The following ROBO2 variants were observed in gnomAD, a reference collection of about 807,000 sequenced individuals.
ROBO2 encodes roundabout guidance receptor 2.
ROBO2 carries 53 observed loss-of-function variants against 160.8 expected under a neutral mutation model. The observed-to-expected ratio is 0.33, with a 90% CI of 0.26 to 0.41. The LOEUF (loss-of-function observed/expected upper bound fraction) is 0.41, where lower values mean the gene tolerates loss of function less well. ROBO2 is among the 10% of genes least tolerant of loss of function. The probability of loss-of-function intolerance (pLI) is 1.00; values close to 1 mark genes in which losing one functional copy is unlikely to be tolerated. For synonymous variants in ROBO2, 664 were observed against 611.7 expected, an observed-to-expected ratio of 1.09 and a Z score of -1.26; for missense variants, 1,577 against 1,722.4, an observed-to-expected ratio of 0.92 and a Z score of 1.49.
intron 2 of ROBO2, among the ~76,000 whole-genome samples, chr3:76,305,819 T>TG (rs1463621079): frequency 4.0e-5 from 6 of 150,884 alleles, no homozygotes; most frequent in Non-Finnish European, 7.4e-5. Flanking sequence ...GGTTGTGCTC[T>TG]GGGGGTGACA....
chr3:77,378,561 C>CAA (rs2153483790), intron 2 of ROBO2, among the ~76,000 whole-genome samples: 1 of 152,208 alleles, frequency 6.6e-6, no homozygotes, highest in South Asian at 2.1e-4. Flanking sequence ...CATGTACCTG[C>CAA]AAAGTGGTAA....
intron 2 of ROBO2, among the ~76,000 whole-genome samples, chr3:76,379,486 A>C (rs2076513437): frequency 6.6e-6 from 1 of 152,152 alleles, no homozygotes; most frequent in Non-Finnish European, 1.5e-5. Context: ...TCCTTGTTGA[A>C]GAGTTCTTGG....
chr3:77,267,270 T>A (rs151198181), intron 2 of ROBO2, among the ~76,000 whole-genome samples: 33 of 152,318 alleles, frequency 2.2e-4, no homozygotes, highest in African/African-American at 7.7e-4. Context: ...GTTGTTTTAT[T>A]GCGGACAGCC....
chr3:77,525,276 G>A (rs1406293613), intron 6 of ROBO2, among the ~76,000 whole-genome samples: 4 of 136,798 alleles, frequency 2.9e-5, no homozygotes, highest in Admixed American at 7.5e-5. Context: ...TGTTGCTAAT[G>A]TAACAAGGAC....
At chr3:76,348,327 G>A (rs1480373510) in intron 2 of ROBO2, among the ~76,000 whole-genome samples, 1 of 152,178 alleles carries the variant, frequency 6.6e-6, no homozygotes, top group Non-Finnish European at 1.5e-5. Flanking sequence ...CTCTGGTAAA[G>A]TGGAGGTGGG....
At chr3:77,079,470 T>C (rs1365264848) in intron 1 of ROBO2, among the ~76,000 whole-genome samples, 1 of 152,138 alleles carries the variant, frequency 6.6e-6, no homozygotes, top group Non-Finnish European at 1.5e-5. Flanking sequence ...CTACATTGAA[T>C]AAGTGAATAT....
At chr3:75,955,493 G>T (rs550127921) in intron 2 of ROBO2, among the ~76,000 whole-genome samples, 1 of 151,506 alleles carries the variant, frequency 6.6e-6, no homozygotes, top group Non-Finnish European at 1.5e-5. Context: ...TAATGTTTAG[G>T]GGGGAGGGGA....
chr3:76,180,003 C>G (rs924551590), intron 2 of ROBO2, among the ~76,000 whole-genome samples: 18 of 152,072 alleles, frequency 1.2e-4, no homozygotes, highest in Non-Finnish European at 2.4e-4. Flanking sequence ...TTCGTCCGTG[C>G]CATTGCTTCT....
chr3:76,964,367 A>G (rs531461191), intron 2 of ROBO2, among the ~76,000 whole-genome samples: 1 of 151,908 alleles, frequency 6.6e-6, no homozygotes, highest in Admixed American at 6.6e-5. Context: ...TTTGAGATGG[A>G]GTTTTTCTCT....
At chr3:76,357,663 G>C (rs1476221297) in intron 2 of ROBO2, among the ~76,000 whole-genome samples, 2 of 151,724 alleles carry the variant, frequency 1.3e-5, no homozygotes, top group Non-Finnish European at 2.9e-5. Flanking sequence ...AATAACAAAA[G>C]CAAAACTGCC....
intron 2 of ROBO2, among the ~76,000 whole-genome samples, chr3:76,490,497 A>G (rs1242232930): frequency 2.0e-5 from 3 of 152,212 alleles, no homozygotes; most frequent in Non-Finnish European, 2.9e-5. Context: ...ACAAAGAAAA[A>G]GAGTTCACAT....
At chr3:77,614,848 A>C (rs1583295101) in intron 21 of ROBO2, among the ~76,000 whole-genome samples, 1 of 152,158 alleles carries the variant, frequency 6.6e-6, no homozygotes, top group African/African-American at 2.4e-5. Context: ...GCCTTCAGTG[A>C]CCAGCCTATC....
At chr3:76,791,164 G>A (rs1162666760) in intron 2 of ROBO2, among the ~76,000 whole-genome samples, 1 of 151,800 alleles carries the variant, frequency 6.6e-6, no homozygotes, top group Non-Finnish European at 1.5e-5. Context: ...TAGTTGGAAT[G>A]ACTTGGAGTG....
intron 2 of ROBO2, among the ~76,000 whole-genome samples, chr3:76,182,388 A>C (rs1701548704): frequency 1.3e-5 from 2 of 152,062 alleles, no homozygotes; most frequent in South Asian, 2.1e-4. Context: ...TGTTGGCTTG[A>C]ACTCTTTTAG....
chr3:77,479,777 A>G (rs2084461215), intron 3 of ROBO2, among the ~76,000 whole-genome samples: 1 of 152,138 alleles, frequency 6.6e-6, no homozygotes, highest in African/African-American at 2.4e-5. Flanking sequence ...ATAATCCAGG[A>G]TGACCTTACC....
At position 76,853,409 on chromosome 3, in the gene ROBO2, A is replaced by G. The variant is rs78954642; in HGVS notation, c.110-244605A>G. ...TAATGACTAGAGTCTTTCTGTGTAT[A>G]TGGTTTGAGGTGGAGAGTGAACAAT... On this transcript the variant is annotated intron_variant, in intron 2 of 26. Transcript: ENST00000487694. 7.9e-3 allele frequency among the ~76,000 whole-genome samples: 1,205 copies of G among 152,142 alleles called. 13 individuals carry two copies. Among genetic ancestry groups the G allele is most frequent in the Admixed American group, 0.031 (479 of 15,290 alleles).
At chr3:76,987,428 C>A (rs892519204) in intron 2 of ROBO2, among the ~76,000 whole-genome samples, 1 of 152,086 alleles carries the variant, frequency 6.6e-6, no homozygotes, top group African/African-American at 2.4e-5. Flanking sequence ...TGATTGAAAT[C>A]TTCATCAGGG....
intron 2 of ROBO2, among the ~76,000 whole-genome samples, chr3:76,450,273 A>C (rs934114521): frequency 1.3e-5 from 2 of 152,174 alleles, no homozygotes; most frequent in Admixed American, 1.3e-4. Context: ...AAGAGTGACA[A>C]ATTTCAGGAA....
chr3:76,991,497 G>A (rs1056484613), intron 2 of ROBO2, among the ~76,000 whole-genome samples: 2 of 152,138 alleles, frequency 1.3e-5, no homozygotes, highest in Non-Finnish European at 2.9e-5. Context: ...TCAGATCTCT[G>A]TGCTTGTGCA....
Sources: allele counts gnomAD v4.1 joint callset (sites outside exome capture counted in the v4.1 genomes callset), GRCh38; gene constraint gnomAD v4.1.1; transcripts MANE v1.5; gene names NCBI Gene and HGNC (gene_info 2026-07-23, HGNC 2026-07-21).